LPIN2: variants seen among roughly 807,000 people sequenced by gnomAD.
LPIN2 encodes phosphatidate phosphatase LPIN2.
Under a neutral mutation model 111.4 loss-of-function variants are expected in LPIN2, and 55 were observed. The ratio of observed to expected loss-of-function variants is 0.49; its 90% CI spans 0.40 to 0.62. The LOEUF is 0.62. Ranked by LOEUF, LPIN2 falls within the 20% of genes least tolerant of loss-of-function variation. LPIN2 has a pLI of 0.00. For missense variants in LPIN2, 992 were observed against 1,112.1 expected (o/e 0.89, Z 1.54); for synonymous variants, 425 against 414.0 (o/e 1.03, Z -0.32).
chr18:3,005,028 T>C (rs528511808), intron 1 of LPIN2, among the ~76,000 whole-genome samples: 1 of 152,288 alleles, frequency 6.6e-6, no homozygotes, highest in African/African-American at 2.4e-5. Flanking sequence ...ATCTCTCTGT[T>C]ACCAATTTAT....
intron 1 of LPIN2, among the ~76,000 whole-genome samples, chr18:2,996,971 T>C (rs1164456042): frequency 2.9e-5 from 4 of 137,088 alleles, no homozygotes; most frequent in Non-Finnish European, 3.1e-5. Flanking sequence ...CATTTCATTT[T>C]TGGAGGCTTG....
At chr18:2,935,520 AAAAT>A (rs1452371641) in intron 7 of LPIN2, among the ~76,000 whole-genome samples, 4 of 152,198 alleles carry the variant, frequency 2.6e-5, no homozygotes, top group African/African-American at 9.6e-5. Flanking sequence ...AGAGAGTTCT[AAAAT>A]AAAAAAGATT....
chr18:2,981,430 T>C (rs1437826211), intron 1 of LPIN2, among the ~76,000 whole-genome samples: 1 of 152,190 alleles, frequency 6.6e-6, no homozygotes, highest in Non-Finnish European at 1.5e-5. Context: ...GTTAATAAAA[T>C]GCAGCCTAAG....
intron 2 of LPIN2, among the ~76,000 whole-genome samples, chr18:2,958,585 A>G (rs2143181580): frequency 6.6e-6 from 1 of 152,298 alleles, no homozygotes; most frequent in South Asian, 2.1e-4. Context: ...CTCACAGGAA[A>G]GCTGTTTTGG....
chr18:2,961,426 T>C (rs151245634), intron 1 of LPIN2, among the ~76,000 whole-genome samples: 3 of 152,316 alleles, frequency 2.0e-5, no homozygotes, highest in Admixed American at 6.5e-5. Flanking sequence ...CCTAGCCCAT[T>C]TATAACATTA....
Position 2,920,194 on chromosome 18 carries a change from G to C in LPIN2, c.*99C>G, listed in dbSNP as rs143728428. 1 of 1,516,980 alleles carries C rather than the reference G, an allele frequency of 6.6e-7. No individual in the cohort carries two copies. Among genetic ancestry groups the C allele is most frequent in the South Asian group, 1.1e-5 (1 of 88,544 alleles). The allele number at this position is 1,516,980 out of a possible 1,614,324, so 94.0% of individuals were successfully genotyped here. ...ACCAGCTCCAGAAGCACCCGTCCCC[G>C]CTGGGGAAGGCTGGTATCTGAGGTC... is the stretch of plus-strand genomic sequence containing the variant. On this transcript the variant is annotated 3_prime_UTR_variant, in exon 20 of 20. Transcript: ENST00000677752.
In LPIN2 at chr18:2,921,519, C is replaced by A; in HGVS notation, c.2442+14G>T. Reference sequence around the variant, plus strand: ...TTCACCCACATCAGAACCCAGAGCCCAGGAGATACTCACATTTGGACGGTT... The same window carrying A: ...TTCACCCACATCAGAACCCAGAGCCAAGGAGATACTCACATTTGGACGGTT... On this transcript the variant is annotated intron_variant, in intron 18 of 19. Transcript: ENST00000677752. 6.3e-7 allele frequency: 1 copy of A among 1,590,062 alleles called. No homozygotes were observed. The highest frequency in any genetic ancestry group is 8.6e-7 in the Non-Finnish European group (1 of 1,158,104).
chr18:2,938,435 A>T (rs746580989), intron 6 of LPIN2, among the ~76,000 whole-genome samples: 1 of 152,122 alleles, frequency 6.6e-6, no homozygotes, highest in African/African-American at 2.4e-5. Context: ...GAGGCAAGAT[A>T]ATTTCTTGAA....
At chr18:2,973,195 A>G in intron 1 of LPIN2, among the ~76,000 whole-genome samples, 1 of 152,144 alleles carries the variant, frequency 6.6e-6, no homozygotes, top group South Asian at 2.1e-4. Context: ...ATTTTTCTTA[A>G]AACAAAAAAA....
chr18:3,010,891 C>G (rs1345437432), intron 1 of LPIN2, among the ~76,000 whole-genome samples: 1 of 152,188 alleles, frequency 6.6e-6, no homozygotes, highest in Non-Finnish European at 1.5e-5. Context: ...CCACCTCTAA[C>G]ACGTGGCACC....
At chr18:2,971,962 G>A (rs1472151789) in intron 1 of LPIN2, among the ~76,000 whole-genome samples, 3 of 151,988 alleles carry the variant, frequency 2.0e-5, no homozygotes, top group Non-Finnish European at 4.4e-5. Flanking sequence ...CACGAGAATC[G>A]CTTGAACCCA....
intron 1 of LPIN2, among the ~76,000 whole-genome samples, chr18:2,997,942 T>C (rs1171032419): frequency 6.6e-6 from 1 of 152,230 alleles, no homozygotes; most frequent in Non-Finnish European, 1.5e-5. Flanking sequence ...TGTCTCCTTG[T>C]CTCAGTTAAA....
At chr18:2,971,213 TG>T (rs1175989246) in intron 1 of LPIN2, among the ~76,000 whole-genome samples, 1 of 152,190 alleles carries the variant, frequency 6.6e-6, no homozygotes, top group Non-Finnish European at 1.5e-5. Flanking sequence ...CATCTTAATC[TG>T]GTATTTCGTA....
intron 4 of LPIN2, chr18:2,946,986 C>T (rs1398123904): frequency 4.4e-6 from 1 of 226,248 alleles, no homozygotes; most frequent in African/African-American, 2.3e-5. Context: ...AGATCCATGT[C>T]ACCCTGAGTG....
At chr18:2,987,574 C>G (rs1306617806) in intron 1 of LPIN2, among the ~76,000 whole-genome samples, 1 of 152,098 alleles carries the variant, frequency 6.6e-6, no homozygotes. Context: ...TAGCTGGTTC[C>G]TCACAACAGT....
chr18:2,992,974 CAAAAA>C (rs59159362), intron 1 of LPIN2, among the ~76,000 whole-genome samples: 5 of 97,360 alleles, frequency 5.1e-5, no homozygotes, highest in African/African-American at 1.2e-4. Context: ...AGACCCGTCT[CAAAAA>C]AAAAAAAAAA....
intron 1 of LPIN2, among the ~76,000 whole-genome samples, chr18:2,988,495 A>C (rs1181722551): frequency 6.6e-6 from 1 of 152,254 alleles, no homozygotes; most frequent in African/African-American, 2.4e-5. Context: ...TGAGATGTGT[A>C]AGAAAAAGAG....
chr18:2,984,183 C>T (rs1171650661), intron 1 of LPIN2, among the ~76,000 whole-genome samples: 1 of 152,090 alleles, frequency 6.6e-6, no homozygotes, highest in Non-Finnish European at 1.5e-5. Context: ...CATTAAGTGG[C>T]AGAATTAAAA....
intron 1 of LPIN2, among the ~76,000 whole-genome samples, chr18:2,968,865 A>G (rs2077854257): frequency 6.6e-6 from 1 of 152,142 alleles, no homozygotes; most frequent in Admixed American, 6.5e-5. Context: ...GATGAACTAG[A>G]GAAGAGGTAG....
Sources: gnomAD v4.1 joint callset for allele counts (sites outside exome capture counted in the v4.1 genomes callset) on GRCh38, gnomAD v4.1.1 for gene constraint, MANE v1.5 for transcripts, NCBI Gene and HGNC (gene_info 2026-07-23, HGNC 2026-07-21) for gene names.